The following ADAMTS9 variants were observed in gnomAD, a reference collection of about 807,000 sequenced individuals.
ADAMTS9 encodes A disintegrin and metalloproteinase with thrombospondin motifs 9.
A neutral mutation model predicts 257.1 loss-of-function variants in ADAMTS9; 107 were observed. The ratio of observed to expected loss-of-function variants is 0.42; its 90% confidence interval spans 0.36 to 0.49. The LOEUF (loss-of-function observed/expected upper bound fraction) is 0.49, where lower values mean the gene tolerates loss of function less well. ADAMTS9 is among the 20% of genes least tolerant of loss of function. The pLI is 0.03. For missense variants in ADAMTS9, 2,353 were observed against 2,469.1 expected, an observed-to-expected ratio of 0.95 and a Z score of 1.00; for synonymous variants, 982 against 880.9, an observed-to-expected ratio of 1.11 and a Z score of -2.03.
intron 28 of ADAMTS9, among the ~76,000 whole-genome samples, chr3:64,574,125 C>T (rs1343419115): frequency 2.0e-5 from 3 of 152,190 alleles, no homozygotes; most frequent in Non-Finnish European, 4.4e-5. Context: ...TGGAATCCGA[C>T]TCATGGTGCT....
At chr3:64,561,874 A>G (rs1308515944) in intron 29 of ADAMTS9, 123 bp from the exon 30 acceptor site, 4 of 815,508 alleles carry the variant, frequency 4.9e-6, no homozygotes, top group Admixed American at 2.9e-5. Flanking sequence ...TAGCTATCAC[A>G]TCGCTTTCTA....
chr3:64,615,977 A>G lies in ADAMTS9; in HGVS notation c.3007T>C (p.Tyr1003His). Reference protein sequence around the residue: ...SGECNTGGWRYSAWTECSKSC... With the variant: ...SGECNTGGWRHSAWTECSKSC... ...CAACTTACTTCAGTCCAGGCAGAAT[A>G]GCGCCAGCCACCCGTGTTACATTCC... Residue 1003 changes from tyrosine (Y) to histidine (H), a missense_variant, in exon 20 of 40, where the codon TAT (tyrosine) becomes CAT (histidine). By Grantham distance (83) the Tyr-to-His change is moderately conservative. Around this residue, in one of 3 missense-constraint regions of ADAMTS9, gnomAD observed 1,402 missense variants for 1,441.4 expected, o/e 0.97. Transcript: ENST00000498707. The G allele has an allele frequency of 6.2e-7, 1 of 1,613,290 alleles. No homozygotes were observed. Among genetic ancestry groups the G allele is most frequent in the Non-Finnish European group, 8.5e-7 (1 of 1,179,952 alleles).
intron 12 of ADAMTS9, among the ~76,000 whole-genome samples, chr3:64,638,877 A>G (rs1700567328): frequency 6.7e-6 from 1 of 148,990 alleles, no homozygotes; most frequent in African/African-American, 2.5e-5. Context: ...GTGAAAAAAG[A>G]AAAAAAAAAT....
chr3:64,535,753 G>T (rs957111656), intron 37 of ADAMTS9, among the ~76,000 whole-genome samples: 14 of 151,770 alleles, frequency 9.2e-5, no homozygotes, highest in Admixed American at 5.2e-4. Flanking sequence ...GTTTCACCAT[G>T]TTGGCCAGGC....
At chr3:64,621,274 A>T in intron 18 of ADAMTS9, 34 bp from the exon 19 acceptor site, 1 of 1,590,154 alleles carries the variant, frequency 6.3e-7, no homozygotes, top group Non-Finnish European at 8.6e-7. Context: ...TATTCAGGGA[A>T]AATAATCTAT....
At chr3:64,543,515 A>G (rs1279159810) in intron 32 of ADAMTS9, among the ~76,000 whole-genome samples, 1 of 152,190 alleles carries the variant, frequency 6.6e-6, no homozygotes, top group Non-Finnish European at 1.5e-5. Flanking sequence ...AAACACAAAA[A>G]CCATATGATT....
chr3:64,667,094 T>A (rs972156381), intron 3 of ADAMTS9, among the ~76,000 whole-genome samples: 1 of 152,132 alleles, frequency 6.6e-6, no homozygotes, highest in African/African-American at 2.4e-5. Context: ...GTGCTGACAG[T>A]AAATAAATAC....
At chr3:64,634,408 T>C (rs1417966443) in intron 12 of ADAMTS9, among the ~76,000 whole-genome samples, 2 of 152,216 alleles carry the variant, frequency 1.3e-5, no homozygotes, top group Non-Finnish European at 2.9e-5. Flanking sequence ...CAGACAACCA[T>C]TGTTTTTGCT....
At chr3:64,643,901 G>C (rs1700723140) in intron 11 of ADAMTS9, among the ~76,000 whole-genome samples, 1 of 152,010 alleles carries the variant, frequency 6.6e-6, no homozygotes, top group Non-Finnish European at 1.5e-5. Flanking sequence ...CACCATATTG[G>C]ACACAGCAGG....
intron 12 of ADAMTS9, among the ~76,000 whole-genome samples, chr3:64,640,131 C>T (rs1000149794): frequency 3.3e-5 from 5 of 152,108 alleles, no homozygotes; most frequent in Admixed American, 1.3e-4. Flanking sequence ...TCCATAGCTA[C>T]AGTGTTAGTT....
chr3:64,621,761 C>CAAAAAAAT (rs553116560), intron 18 of ADAMTS9, among the ~76,000 whole-genome samples: 27 of 124,830 alleles, frequency 2.2e-4, no homozygotes, highest in Non-Finnish European at 3.2e-4. Flanking sequence ...GACTCCATCT[C>CAAAAAAAT]AAAAAAATAA....
At chr3:64,595,653 A>G (rs1036507966) in intron 27 of ADAMTS9, among the ~76,000 whole-genome samples, 2 of 152,212 alleles carry the variant, frequency 1.3e-5, no homozygotes, top group Non-Finnish European at 2.9e-5. Flanking sequence ...CCAGAATGAC[A>G]TAACTGTCAA....
At chr3:64,572,434 G>A (rs2083713550) in intron 28 of ADAMTS9, among the ~76,000 whole-genome samples, 1 of 152,170 alleles carries the variant, frequency 6.6e-6, no homozygotes, top group Non-Finnish European at 1.5e-5. Context: ...TGGATATGGT[G>A]CAGACGAATA....
chr3:64,651,241 A>G (rs1576161358), intron 8 of ADAMTS9, 78 bp from the exon 9 acceptor site: 2 of 1,322,838 alleles, frequency 1.5e-6, no homozygotes, highest in East Asian at 5.4e-5. Context: ...CAGGAATGCA[A>G]CTATCTAAGA....
chr3:64,631,992 G>C (rs1205722776), intron 14 of ADAMTS9, 67 bp from the exon 15 acceptor site: 2 of 1,231,050 alleles, frequency 1.6e-6, no homozygotes, highest in Non-Finnish European at 2.3e-6. Context: ...CAAATAATGT[G>C]TTTCTTTTAA....
chr3:64,634,961 A>G (rs1386141290), intron 12 of ADAMTS9, among the ~76,000 whole-genome samples: 1 of 152,170 alleles, frequency 6.6e-6, no homozygotes, highest in Non-Finnish European at 1.5e-5. Context: ...ATCTGGCCCT[A>G]TCCTCACTGT....
chr3:64,686,760 C>T lies in ADAMTS9; in HGVS notation c.324G>A (p.Gln108=), dbSNP rs371837347. ...CATTGGCGGTGAGATTAAATAGAAA[C>T]TGCTGGCCGAAGGCAGAGAGGCGGT... is the stretch of plus-strand genomic sequence containing the variant. ...AHYRLSAFGQ[Q]FLFNLTANAG... is the part of the protein sequence containing the mutation. The change falls in exon 2 of 40, where the codon CAG becomes CAA. Residue 108 remains glutamine, a synonymous_variant. Coordinates refer to ENST00000498707, the MANE Select transcript of ADAMTS9 (RefSeq NM_182920.2). This position sits in a 1 kb window ranked among gnomAD's most constrained non-coding sequence, Gnocchi z 4.6. The T allele has an allele frequency of 3.7e-6, 6 of 1,614,040 alleles. No homozygotes were observed. The African/African-American group carries it at 6.7e-5, about 18-fold the overall frequency.
chr3:64,613,292 T>A (rs1046696573), intron 22 of ADAMTS9, 53 bp downstream of exon 22: 1 of 1,586,190 alleles, frequency 6.3e-7, no homozygotes, highest in Admixed American at 1.7e-5. Context: ...GCAAGTCCTC[T>A]CCAGATAAGA....
chr3:64,544,233 A>T (rs2083167169), intron 32 of ADAMTS9, among the ~76,000 whole-genome samples: 4 of 152,196 alleles, frequency 2.6e-5, no homozygotes, highest in Admixed American at 2.0e-4. Flanking sequence ...CAAGCTACCA[A>T]TGCCTTTCTT....
Sources: gnomAD v4.1 joint callset for allele counts (sites outside exome capture counted in the v4.1 genomes callset) on GRCh38, gnomAD v4.1.1 for gene constraint, gnomAD v4.1.1 regional missense constraint, Gnocchi (gnomAD v3.1) non-coding constraint, MANE v1.5 for transcripts, NCBI Gene and HGNC (gene_info 2026-07-23, HGNC 2026-07-21) for gene names.